Variants in LAMC3 observed in about 807,000 individuals in gnomAD.
LAMC3 encodes laminin subunit gamma-3.
A neutral mutation model predicts 173.8 loss-of-function variants in LAMC3; 128 were observed. That is an observed-to-expected ratio of 0.74 (90% confidence interval 0.64 to 0.85). LAMC3 has a LOEUF of 0.85. LAMC3 is among the 40% of genes least tolerant of loss of function. The pLI, the probability that LAMC3 is intolerant of heterozygous loss-of-function variation, is 0.00. For missense variants in LAMC3, 2,022 were observed against 2,156.0 expected, an observed-to-expected ratio of 0.94 and a Z score of 1.23; for synonymous variants, 897 against 909.1, an observed-to-expected ratio of 0.99 and a Z score of 0.24.
intron 1 of LAMC3, among the ~76,000 whole-genome samples, chr9:131,012,633 A>G (rs1833441594): frequency 6.6e-6 from 1 of 152,218 alleles, no homozygotes; most frequent in Non-Finnish European, 1.5e-5. Flanking sequence ...CTCCAGGCTA[A>G]GCCATGGCTT....
intron 1 of LAMC3, among the ~76,000 whole-genome samples, chr9:131,018,095 C>G (rs2133212015): frequency 6.6e-6 from 1 of 150,508 alleles, no homozygotes; most frequent in East Asian, 1.9e-4. Flanking sequence ...AAGTTTCTTC[C>G]AAAGGCAACA....
chr9:131,014,726 A>G, intron 1 of LAMC3, among the ~76,000 whole-genome samples: 1 of 152,244 alleles, frequency 6.6e-6, no homozygotes, highest in East Asian at 1.9e-4. Context: ...TAACCCCAGC[A>G]CTTTGGGAGG....
chr9:131,026,319 G>T lies in LAMC3; in HGVS notation c.408G>T (p.Lys136Asn), dbSNP rs754249211. ...ATGAGATCACGTATGTGAGGCTGAA[G>T]TTCCACACCAGTCGCCCTGAGAGCT... ...KAYEITYVRL[K>N]FHTSRPESFA... Residue 136 changes from lysine (K) to asparagine (N), a missense_variant, in exon 2 of 28, where the codon AAG becomes AAT. Transcript: ENST00000361069. This position sits in a 1 kb window ranked among gnomAD's most constrained non-coding sequence, Gnocchi z 4.8. The T allele has an allele frequency of 6.2e-7, 1 of 1,614,172 alleles. No individual in the cohort carries two copies. Among genetic ancestry groups the T allele is most frequent in the Admixed American group, 1.7e-5 (1 of 60,030 alleles).
chr9:131,015,256 T>C (rs918587090), intron 1 of LAMC3, among the ~76,000 whole-genome samples: 1 of 152,172 alleles, frequency 6.6e-6, no homozygotes, highest in African/African-American at 2.4e-5. Flanking sequence ...GAGGAATTCA[T>C]GGATGAAGGG....
chr9:131,085,943 C>G, intron 25 of LAMC3: 1 of 614,624 alleles, frequency 1.6e-6, no homozygotes, highest in Non-Finnish European at 3.0e-6. Context: ...TGCTGAGGTG[C>G]AGCCAGCTTC....
At chr9:131,073,031 G>T (rs148888297) in intron 19 of LAMC3, among the ~76,000 whole-genome samples, 196 bp downstream of exon 19, 1 of 152,194 alleles carries the variant, frequency 6.6e-6, no homozygotes, top group Non-Finnish European at 1.5e-5. Flanking sequence ...GGCATGTTCC[G>T]AGGAGACTGA....
At chr9:131,087,407 G>T in intron 25 of LAMC3, 69 bp from the exon 26 acceptor site, 1 of 1,576,890 alleles carries the variant, frequency 6.3e-7, no homozygotes, top group Non-Finnish European at 8.7e-7. Context: ...ATTGCCATAA[G>T]AGCTATTTAC....
intron 1 of LAMC3, among the ~76,000 whole-genome samples, chr9:131,024,679 C>T (rs62580141): frequency 0.05 from 7,610 of 152,246 alleles, 361 homozygotes; most frequent in South Asian, 0.19. Context: ...GGACTCCCTG[C>T]GTGGGCCGTT....
intron 12 of LAMC3, among the ~76,000 whole-genome samples, chr9:131,057,739 G>A (rs943704559): frequency 5.3e-5 from 8 of 152,226 alleles, no homozygotes; most frequent in Admixed American, 2.0e-4. Flanking sequence ...AAGCCATATG[G>A]TGGTCAGGAG....
In LAMC3 at chr9:131,064,745, CAT is replaced by C. The variant is rs1314670784; in HGVS notation, c.2348-2214_2348-2213del. 1.2e-4 allele frequency among the ~76,000 whole-genome samples: 18 copies of C among 148,648 alleles called. No homozygotes were observed. The South Asian group carries it at 1.5e-3, about 12-fold the overall frequency. ...AATGTCAAGAGGAACATGAAAAAAA[CAT>C]GTGAGCAGCCGGGCGTGGTGGCTTA... On this transcript the variant is annotated intron_variant, in intron 13 of 27. Coordinates refer to ENST00000361069, the MANE Select transcript of LAMC3 (RefSeq NM_006059.4).
At chr9:131,042,092 G>A (rs73548532) in intron 7 of LAMC3, among the ~76,000 whole-genome samples, 2,352 of 152,134 alleles carry the variant, frequency 0.015, 64 homozygotes, top group African/African-American at 0.053. Flanking sequence ...GGCAGACATC[G>A]CTAATGGAGC....
At chr9:131,055,525 T>C (rs1293842954) in intron 11 of LAMC3, among the ~76,000 whole-genome samples, 4 of 149,058 alleles carry the variant, frequency 2.7e-5, no homozygotes, top group African/African-American at 7.4e-5. Context: ...CCCGGGTTCA[T>C]GTCATCCTCC....
At chr9:131,052,736 G>A in intron 10 of LAMC3, 53 bp downstream of exon 10, 1 of 1,537,174 alleles carries the variant, frequency 6.5e-7, no homozygotes, top group Non-Finnish European at 9.0e-7. Context: ...GGTGGTCTCT[G>A]AGGTCCGGGC....
rs1248696739 is a variant in LAMC3 at position 131,068,915 on chromosome 9, T to C, written c.2755T>C (p.Cys919Arg). The C allele has an allele frequency of 1.9e-6, 3 of 1,613,844 alleles. No homozygotes were observed. The change falls in exon 16 of 28, where the codon TGT becomes CGT. Residue 919 changes from cysteine to arginine, a missense_variant. Transcript: ENST00000361069. ...QPGRGCRSCK[C>R]HPLGSQEDQC... Reference sequence around the variant, plus strand: ...TTCCTTCCCTGATCACAGCTGCAAGTGTCACCCACTGGGCTCCCAGGAGGA... The same window carrying C: ...TTCCTTCCCTGATCACAGCTGCAAGCGTCACCCACTGGGCTCCCAGGAGGA...
intron 24 of LAMC3, among the ~76,000 whole-genome samples, chr9:131,083,459 A>G (rs1440409093): frequency 6.6e-6 from 1 of 152,122 alleles, no homozygotes; most frequent in Non-Finnish European, 1.5e-5. Context: ...CACAAGGTGA[A>G]CTGTGGAGCA....
intron 4 of LAMC3, among the ~76,000 whole-genome samples, chr9:131,037,684 C>T (rs59416139): frequency 0.14 from 21,232 of 152,116 alleles, 3,351 homozygotes; most frequent in African/African-American, 0.39. Flanking sequence ...TTATAGAGCT[C>T]GGCTCTCACT....
At chr9:131,021,953 G>A (rs1387168722) in intron 1 of LAMC3, among the ~76,000 whole-genome samples, 1 of 152,176 alleles carries the variant, frequency 6.6e-6, no homozygotes, top group Non-Finnish European at 1.5e-5. Flanking sequence ...ACCTCCCCGT[G>A]TTCAGCCATC....
intron 1 of LAMC3, among the ~76,000 whole-genome samples, chr9:131,015,070 T>G (rs76617937): frequency 0.023 from 3,447 of 152,318 alleles, 136 homozygotes; most frequent in African/African-American, 0.079. Flanking sequence ...GTTATTGTTA[T>G]GCCTATTTTG....
At chr9:131,090,996 G>A (rs1166935671) in intron 27 of LAMC3, among the ~76,000 whole-genome samples, 9 of 152,328 alleles carry the variant, frequency 5.9e-5, no homozygotes, top group Admixed American at 4.6e-4. Flanking sequence ...ACTCCAGCCT[G>A]GACAACAGAG....
Sources: allele counts gnomAD v4.1 joint callset (sites outside exome capture counted in the v4.1 genomes callset), GRCh38; gene constraint gnomAD v4.1.1; non-coding constraint Gnocchi (gnomAD v3.1); transcripts MANE v1.5; gene names NCBI Gene and HGNC (gene_info 2026-07-23, HGNC 2026-07-21).